Variants in LAMP2 observed in about 807,000 individuals in gnomAD.
LAMP2 encodes the protein lysosome-associated membrane glycoprotein 2.
LAMP2 carries 4 observed loss-of-function variants against 25.6 expected under a neutral mutation model. The observed-to-expected ratio is 0.16, with a 90% CI of 0.08 to 0.36. LAMP2 has a LOEUF of 0.36. Ranked by LOEUF, LAMP2 falls within the 10% of genes least tolerant of loss-of-function variation. The probability of loss-of-function intolerance (pLI) is 1.00; values close to 1 mark genes in which losing one functional copy is unlikely to be tolerated. For synonymous variants in LAMP2, 108 were observed against 112.7 expected (o/e 0.96, Z 0.27); for missense variants, 272 against 301.4 (o/e 0.90, Z 0.72).
At chrX:120,459,215 C>T (rs1310519132) in intron 1 of LAMP2, among the ~76,000 whole-genome samples, 1 of 112,019 alleles carries the variant, frequency 8.9e-6, no homozygotes, top group Non-Finnish European at 1.9e-5. Flanking sequence ...GGCCTAAATG[C>T]TCACCTCAAA....
chrX:120,458,976 T>C (rs1337384722), intron 1 of LAMP2, among the ~76,000 whole-genome samples: 1 of 112,121 alleles, frequency 8.9e-6, no homozygotes, highest in Admixed American at 9.5e-5. Flanking sequence ...TCAAAAACTT[T>C]TACTGGCTCC....
At chrX:120,446,499 C>A in intron 5 of LAMP2, 72 bp from the exon 6 acceptor site, 1 of 1,042,703 alleles carries the variant, frequency 9.6e-7, no homozygotes, top group Non-Finnish European at 1.3e-6. Context: ...TACACTCTAC[C>A]AAACAAAATC....
At position 120,447,887 on chromosome X, in the gene LAMP2, C is replaced by T; in HGVS notation, c.695G>A (p.Cys232Tyr). 8.3e-7 allele frequency: 1 copy of T among 1,211,250 alleles called. No individual in the cohort carries two copies. Among genetic ancestry groups the T allele is most frequent in the Non-Finnish European group, 1.1e-6 (1 of 895,009 alleles). Residue 232 changes from cysteine (C) to tyrosine (Y), a missense_variant, in exon 5 of 9, where the codon TGT becomes TAT. Cys to Tyr is a radical substitution (Grantham distance 194, BLOSUM62 -2). Coordinates refer to ENST00000200639, the MANE Select transcript of LAMP2 (RefSeq NM_002294.3). ...CTGCAGCCCCATGGTAGCCAGCAGA[C>T]AAGTATCATTGCCATTATTAACTGA... ...TYSVNNGNDT[C>Y]LLATMGLQLN...
rs1443751521 is a variant in LAMP2, at chrX:120,428,868, C to T, written c.*2455G>A. The T allele has an allele frequency of 1.3e-6, 1 of 749,423 alleles. No individual in the cohort carries two copies. The highest frequency in any genetic ancestry group is 2.3e-5 in the African/African-American group (1 of 42,622). The allele number at this position is 749,423 out of a possible 1,213,427, so 61.8% of individuals were successfully genotyped here. ...GAAGGGTCCAAAATAGAGAATTGCG[C>T]TTGCCTAATATGGGAAGACTTTAGG... On this transcript the variant is annotated 3_prime_UTR_variant, in exon 9 of 9. Coordinates refer to ENST00000200639, the MANE Select transcript of LAMP2 (RefSeq NM_002294.3).
chrX:120,467,174 G>A (rs147015485), intron 1 of LAMP2, among the ~76,000 whole-genome samples: 1,720 of 112,278 alleles, frequency 0.015, 36 homozygotes, highest in African/African-American at 0.053. Flanking sequence ...ACCTTATTCC[G>A]AAGTTTTGAT....
In LAMP2 at chrX:120,429,161, C is replaced by CAT. The variant is rs753399289; in HGVS notation, c.*2160_*2161dup. ...GTGTATATATATGTGTGTGTGTGTACATATATATATATATACACACACACA... is the reference window on the plus strand; with the variant it reads ...GTGTATATATATGTGTGTGTGTGTACATATATATATATATATACACACACACA... On this transcript the variant is annotated 3_prime_UTR_variant, in exon 9 of 9. Transcript: ENST00000200639. 6.4e-3 allele frequency: 3,971 copies of CAT among 620,719 alleles called. 1 individual carries two copies. Among genetic ancestry groups the CAT allele is most frequent in the Non-Finnish European group, 6.9e-3 (3,612 of 527,095 alleles). The allele number at this position is 620,719 out of a possible 1,213,427, so 51.2% of individuals were successfully genotyped here.
chrX:120,469,072 C>A (rs764618616), intron 1 of LAMP2, 34 bp downstream of exon 1: 6 of 1,190,766 alleles, frequency 5.0e-6, no homozygotes, highest in Non-Finnish European at 6.8e-6. Context: ...CGGGCCCAGG[C>A]GGACAGACTA....
At chrX:120,451,077 G>A (rs923837161) in intron 3 of LAMP2, among the ~76,000 whole-genome samples, 7 of 109,379 alleles carry the variant, frequency 6.4e-5, no homozygotes, top group Non-Finnish European at 1.3e-4. Flanking sequence ...ACAGGTGCAC[G>A]CCACCACGCC....
intron 1 of LAMP2, among the ~76,000 whole-genome samples, chrX:120,466,840 C>CT (rs916102893): frequency 0.34 from 27,385 of 81,436 alleles, 4,347 homozygotes; most frequent in Middle Eastern, 0.44. Context: ...CAAATAACTT[C>CT]TTTTTTTTTT....
chrX:120,436,129 TACACACACACACACAC>T (rs752616648), intron 8 of LAMP2, among the ~76,000 whole-genome samples: 9 of 89,651 alleles, frequency 1.0e-4, no homozygotes, highest in Non-Finnish European at 1.5e-4. Context: ...CAGGGGAGCT[TACACACACACACACAC>T]ACACACACAC....
chrX:120,455,470 C>T lies in LAMP2; in HGVS notation c.284G>A (p.Gly95Asp), dbSNP rs755790073. The T allele has an allele frequency of 3.3e-6, 4 of 1,209,713 alleles. No individual in the cohort carries two copies. Among genetic ancestry groups the T allele is most frequent in the South Asian group, 1.8e-5 (1 of 56,917 alleles). ...GPKIAVQFGP[G>D]FSWIANFTKA... Reference sequence around the variant, plus strand: ...GGTAAAATTCGCAATCCAGGAAAAGCCAGGTCCGAACTGCACTGCTATTTT... The same window carrying T: ...GGTAAAATTCGCAATCCAGGAAAAGTCAGGTCCGAACTGCACTGCTATTTT... Residue 95 changes from glycine (G) to aspartate (D), a missense_variant, in exon 3 of 9, where the codon GGC (glycine) becomes GAC (aspartate). Gly to Asp is a moderately conservative substitution (Grantham distance 94, BLOSUM62 -1). Coordinates refer to ENST00000200639, the MANE Select transcript of LAMP2 (RefSeq NM_002294.3).
At chrX:120,449,905 G>A (rs2058614229) in intron 3 of LAMP2, among the ~76,000 whole-genome samples, 1 of 111,723 alleles carries the variant, frequency 9.0e-6, no homozygotes, top group Admixed American at 9.5e-5. Context: ...TGAAGGGTAA[G>A]GGAGGGTTGC....
At chrX:120,465,289 A>T (rs1172820799) in intron 1 of LAMP2, among the ~76,000 whole-genome samples, 1 of 105,194 alleles carries the variant, frequency 9.5e-6, no homozygotes, top group East Asian at 3.0e-4. Context: ...AAAGCCTCAA[A>T]CCTAAAAAAA....
At chrX:120,444,814 A>G (rs781432412) in intron 6 of LAMP2, among the ~76,000 whole-genome samples, 1 of 112,065 alleles carries the variant, frequency 8.9e-6, no homozygotes, top group African/African-American at 3.2e-5. Flanking sequence ...CAGCCTGCAC[A>G]TAACGCACTC....
intron 5 of LAMP2, among the ~76,000 whole-genome samples, chrX:120,447,134 G>A (rs2058600003): frequency 8.9e-6 from 1 of 112,356 alleles, no homozygotes; most frequent in Non-Finnish European, 1.9e-5. Flanking sequence ...GGCTGGGCGC[G>A]GTGGCTCACG....
chrX:120,444,328 C>T (rs763745524), intron 6 of LAMP2, among the ~76,000 whole-genome samples: 1 of 111,996 alleles, frequency 8.9e-6, no homozygotes, highest in Non-Finnish European at 1.9e-5. Context: ...TAGGCTACAT[C>T]TTGGCTTTGC....
At chrX:120,462,542 C>T (rs2147290743) in intron 1 of LAMP2, among the ~76,000 whole-genome samples, 1 of 103,911 alleles carries the variant, frequency 9.6e-6, no homozygotes, top group Admixed American at 1.0e-4. Flanking sequence ...AAAAACCTCT[C>T]ACAGAGAACA....
At chrX:120,447,718 A>G (rs1335528498) in intron 5 of LAMP2, 123 bp downstream of exon 5, 4 of 664,780 alleles carry the variant, frequency 6.0e-6, no homozygotes, top group Non-Finnish European at 9.4e-6. Context: ...TCAAAAAAAC[A>G]AACAAACAAA....
intron 8 of LAMP2, among the ~76,000 whole-genome samples, chrX:120,436,160 ACACACACACACTCT>A (rs1474104826): frequency 3.2e-4 from 33 of 104,472 alleles, no homozygotes; most frequent in Non-Finnish European, 5.8e-4. Context: ...ACACACACAC[ACACACACACACTCT>A]CTCTCTCTCT....
Sources: allele counts gnomAD v4.1 joint callset (sites outside exome capture counted in the v4.1 genomes callset), GRCh38; gene constraint gnomAD v4.1.1; transcripts MANE v1.5; gene names NCBI Gene and HGNC (gene_info 2026-07-23, HGNC 2026-07-21).